DNAJB6: variants seen among roughly 807,000 people sequenced by gnomAD.
DNAJB6 encodes the protein dnaJ homolog subfamily B member 6.
Under a neutral mutation model 42.7 loss-of-function variants are expected in DNAJB6, and 16 were observed. The observed-to-expected ratio is 0.37, with a 90% confidence interval of 0.25 to 0.57. The LOEUF (loss-of-function observed/expected upper bound fraction) is 0.57, where lower values mean the gene tolerates loss of function less well. Among genes scored for constraint, DNAJB6 ranks in the 20% least tolerant of loss-of-function variants. The pLI is 0.74. For missense variants in DNAJB6, 347 were observed against 416.8 expected, an observed-to-expected ratio of 0.83 and a Z score of 1.46; for synonymous variants, 170 against 163.5, an observed-to-expected ratio of 1.04 and a Z score of -0.30.
At position 157,363,280 on chromosome 7, in the gene DNAJB6, A is replaced by G; in HGVS notation, c.175+10A>G. Reference sequence around the variant, plus strand: ...GAAGTGCTGTCGGATGGTGAGTGACAGCGAGCTGCTGAAGGACCCTGAGCG... The same window carrying G: ...GAAGTGCTGTCGGATGGTGAGTGACGGCGAGCTGCTGAAGGACCCTGAGCG... On this transcript the variant is annotated intron_variant, in intron 3 of 9. Transcript: ENST00000262177. The G allele has an allele frequency of 1.3e-6, 2 of 1,589,988 alleles. No homozygotes were observed. Among genetic ancestry groups the G allele is most frequent in the South Asian group, 1.1e-5 (1 of 88,856 alleles).
chr7:157,368,417 T>C (rs984468737), intron 5 of DNAJB6, among the ~76,000 whole-genome samples: 2 of 152,168 alleles, frequency 1.3e-5, no homozygotes, highest in Non-Finnish European at 2.9e-5. Flanking sequence ...CCGTAAACAT[T>C]GTGTGTGAGG....
chr7:157,382,158 A>G (rs142475326), intron 5 of DNAJB6, 88 bp from the exon 6 acceptor site: 5 of 1,431,170 alleles, frequency 3.5e-6, no homozygotes, highest in Admixed American at 2.7e-5. Flanking sequence ...ATATGTTACA[A>G]ACATCTATTT....
At chr7:157,397,220 G>A (rs933623872) in intron 8 of DNAJB6, among the ~76,000 whole-genome samples, 1 of 152,200 alleles carries the variant, frequency 6.6e-6, no homozygotes, top group Non-Finnish European at 1.5e-5. Flanking sequence ...TTGCTAAGCT[G>A]CGCTGAGGTG....
At chr7:157,343,823 T>G (rs893646640) in intron 1 of DNAJB6, among the ~76,000 whole-genome samples, 3 of 152,234 alleles carry the variant, frequency 2.0e-5, no homozygotes, top group African/African-American at 7.2e-5. Flanking sequence ...TATTTTTGAT[T>G]AATGGCGATT....
At chr7:157,358,776 C>G in intron 2 of DNAJB6, 139 bp downstream of exon 2, 1 of 685,730 alleles carries the variant, frequency 1.5e-6, no homozygotes, top group South Asian at 1.8e-5. Flanking sequence ...TTTAATTTGA[C>G]AGAGCAGTTA....
chr7:157,344,722 C>T (rs1393003424), intron 1 of DNAJB6, among the ~76,000 whole-genome samples: 3 of 152,220 alleles, frequency 2.0e-5, no homozygotes, highest in South Asian at 2.1e-4. Context: ...AAGTGATTTT[C>T]CTGCCTCAGC....
chr7:157,350,522 C>G (rs1798915258), intron 1 of DNAJB6, among the ~76,000 whole-genome samples: 1 of 152,104 alleles, frequency 6.6e-6, no homozygotes, highest in Non-Finnish European at 1.5e-5. Context: ...GTTCCGGTCA[C>G]TGGCGTTTGT....
chr7:157,403,225 G>A (rs1490106048), intron 8 of DNAJB6, among the ~76,000 whole-genome samples: 1 of 152,198 alleles, frequency 6.6e-6, no homozygotes, highest in Non-Finnish European at 1.5e-5. Context: ...GGGGGTAGGG[G>A]AAGGGCCACG....
At chr7:157,390,413 CAG>C (rs1182800489) in intron 8 of DNAJB6, among the ~76,000 whole-genome samples, 6 of 152,226 alleles carry the variant, frequency 3.9e-5, no homozygotes, top group African/African-American at 1.2e-4. Flanking sequence ...CTCTCTTAAA[CAG>C]GGCAGCGCTG....
rs373372203 is a variant in DNAJB6, at chr7:157,377,974, G to A, written c.347-4272G>A. Reference sequence around the variant, plus strand: ...GGTCACGTTCTCCTGTGATGTTTACGGTTCTCCTTGATACGGGGTAACTTA... The same window carrying A: ...GGTCACGTTCTCCTGTGATGTTTACAGTTCTCCTTGATACGGGGTAACTTA... On this transcript the variant is annotated intron_variant, in intron 5 of 9. Coordinates refer to ENST00000262177, the MANE Select transcript of DNAJB6 (RefSeq NM_058246.4). 5.3e-5 allele frequency among the ~76,000 whole-genome samples: 8 copies of A among 152,290 alleles called. No individual in the cohort carries two copies. In the East Asian group the frequency reaches 5.8e-4, roughly 11 times the overall value.
At chr7:157,354,497 T>A (rs1015237890) in intron 1 of DNAJB6, among the ~76,000 whole-genome samples, 52 of 152,120 alleles carry the variant, frequency 3.4e-4, no homozygotes, top group Admixed American at 1.6e-3. Context: ...TTCATTTTTT[T>A]GGAGACAGGT....
intron 7 of DNAJB6, 143 bp downstream of exon 7, chr7:157,385,151 C>G (rs1037199037): frequency 8.2e-5 from 70 of 852,376 alleles, no homozygotes; most frequent in Admixed American, 4.4e-4. Context: ...TCTCCAAATT[C>G]ATTAATTAAA....
At chr7:157,386,604 G>A (rs912357951) in intron 8 of DNAJB6, among the ~76,000 whole-genome samples, 5 of 111,638 alleles carry the variant, frequency 4.5e-5, no homozygotes, top group African/African-American at 1.5e-4. Context: ...TTACGGATCC[G>A]GGCGCGGTAG....
intron 2 of DNAJB6, 137 bp downstream of exon 2, chr7:157,358,774 G>C: frequency 1.5e-6 from 1 of 689,332 alleles, no homozygotes; most frequent in African/African-American, 1.8e-5. Flanking sequence ...AGTTTAATTT[G>C]ACAGAGCAGT....
intron 9 of DNAJB6, 74 bp downstream of exon 9, chr7:157,410,075 C>G: frequency 6.8e-7 from 1 of 1,464,024 alleles, no homozygotes; most frequent in Non-Finnish European, 9.0e-7. Context: ...AGCGAGGACA[C>G]AAACCGCGCC....
chr7:157,379,277 C>T (rs1351661617), intron 5 of DNAJB6: 1 of 152,158 alleles, frequency 6.6e-6, no homozygotes, highest in Admixed American at 6.5e-5. Context: ...CATGTAAAAG[C>T]TCAGTGCCTT....
intron 5 of DNAJB6, chr7:157,368,697 G>A (rs1407160785): frequency 6.5e-6 from 1 of 154,482 alleles, no homozygotes; most frequent in Non-Finnish European, 1.4e-5. Flanking sequence ...TGGTGCACTG[G>A]GTGACCTGAG....
intron 8 of DNAJB6, among the ~76,000 whole-genome samples, chr7:157,407,367 A>G (rs1795810560): frequency 1.3e-5 from 2 of 152,230 alleles, no homozygotes; most frequent in South Asian, 4.1e-4. Context: ...AAGACTTCAC[A>G]GCTATGGATA....
At chr7:157,394,051 C>T (rs553758006) in intron 8 of DNAJB6, among the ~76,000 whole-genome samples, 2 of 152,170 alleles carry the variant, frequency 1.3e-5, no homozygotes, top group Non-Finnish European at 2.9e-5. Flanking sequence ...GAATACCTTT[C>T]TCATATCTTA....
Sources: gnomAD v4.1 joint callset for allele counts (sites outside exome capture counted in the v4.1 genomes callset) on GRCh38, gnomAD v4.1.1 for gene constraint, MANE v1.5 for transcripts, NCBI Gene and HGNC (gene_info 2026-07-23, HGNC 2026-07-21) for gene names.